The following SNX27 variants were observed in gnomAD, a reference collection of about 807,000 sequenced individuals.
SNX27 encodes the protein sorting nexin 27, also known as sorting nexin-27.
Under a neutral mutation model 71.6 loss-of-function variants are expected in SNX27, and 22 were observed. That is an observed-to-expected ratio of 0.31 (90% CI 0.22 to 0.44). The LOEUF is 0.44. Among genes scored for constraint, SNX27 ranks in the 20% least tolerant of loss-of-function variants. SNX27 has a pLI of 1.00. For synonymous variants in SNX27, 269 were observed against 277.2 expected, an observed-to-expected ratio of 0.97 and a Z score of 0.29; for missense variants, 531 against 698.6, an observed-to-expected ratio of 0.76 and a Z score of 2.70.
intron 1 of SNX27, among the ~76,000 whole-genome samples, chr1:151,635,629 T>G (rs1377519319): frequency 1.3e-5 from 2 of 152,296 alleles, no homozygotes; most frequent in Non-Finnish European, 2.9e-5. Context: ...AAATCAGACA[T>G]CCTGGGGTTT....
rs1008912070 is a variant in SNX27 at position 151,612,720 on chromosome 1, C to T, written c.311+208C>T. The stretch of plus-strand genomic sequence containing the variant: ...CGGGGCTTCTGCGACGCCGGTCTCC[C>T]ACCCCGTCGTCTCCAGCTGATGCCC... On this transcript the variant is annotated intron_variant, in intron 1 of 11. Transcript: ENST00000458013. This position sits in a 1 kb window ranked among gnomAD's most constrained non-coding sequence, Gnocchi z 5.2. Among the ~76,000 whole-genome samples the T allele has an allele frequency of 1.3e-5, 2 of 152,134 alleles. No individual in the cohort carries two copies. Among genetic ancestry groups the T allele is most frequent in the African/African-American group, 4.8e-5 (2 of 41,432 alleles).
At chr1:151,676,164 C>A (rs978013997) in intron 7 of SNX27, 2 of 149,974 alleles carry the variant, frequency 1.3e-5, no homozygotes, top group Non-Finnish European at 3.0e-5. Context: ...TGTTTTTGTA[C>A]CTTGCTGTAC....
intron 11 of SNX27, chr1:151,693,913 T>C: frequency 2.9e-6 from 4 of 1,371,762 alleles, no homozygotes; most frequent in Non-Finnish European, 3.8e-6. Context: ...TTGCTGTTGC[T>C]TTACTGCTGT....
intron 1 of SNX27, 22 bp from the exon 2 acceptor site, chr1:151,638,866 C>CT (rs1355011839): frequency 6.2e-7 from 1 of 1,612,822 alleles, no homozygotes; most frequent in Non-Finnish European, 8.5e-7. Context: ...ATGGGATTGT[C>CT]TTTTTCCCTT....
intron 1 of SNX27, among the ~76,000 whole-genome samples, chr1:151,630,182 T>G (rs1668157028): frequency 6.6e-6 from 1 of 152,070 alleles, no homozygotes; most frequent in Admixed American, 6.5e-5. Flanking sequence ...CTTGAGAGTG[T>G]TCTGCATACC....
intron 7 of SNX27, chr1:151,678,055 G>C (rs546052294): frequency 1.3e-5 from 2 of 152,252 alleles, no homozygotes; most frequent in East Asian, 3.9e-4. Flanking sequence ...GGAGGGGACA[G>C]AATCTCAGTC....
At chr1:151,681,605 A>T (rs1670970824) in intron 7 of SNX27, among the ~76,000 whole-genome samples, 1 of 152,098 alleles carries the variant, frequency 6.6e-6, no homozygotes, top group Non-Finnish European at 1.5e-5. Context: ...ACTCTGGGAA[A>T]TGCTTTCCAC....
intron 1 of SNX27, among the ~76,000 whole-genome samples, chr1:151,618,209 G>A (rs1224439574): frequency 6.6e-6 from 1 of 151,820 alleles, no homozygotes; most frequent in Non-Finnish European, 1.5e-5. Context: ...GTTGAACTTT[G>A]GTTCTACTAT....
intron 5 of SNX27, 71 bp downstream of exon 5, chr1:151,662,341 A>G (rs115729416): frequency 2.1e-6 from 2 of 975,588 alleles, no homozygotes; most frequent in African/African-American, 1.6e-5. Flanking sequence ...AAATAAGTCA[A>G]TACATATAAA....
At chr1:151,617,334 A>C (rs1490746782) in intron 1 of SNX27, among the ~76,000 whole-genome samples, 2 of 152,114 alleles carry the variant, frequency 1.3e-5, no homozygotes. Context: ...GCTGGAGTGC[A>C]GTGGTGCGAT....
chr1:151,685,803 A>G (rs1456087471), intron 8 of SNX27, among the ~76,000 whole-genome samples: 3 of 152,212 alleles, frequency 2.0e-5, no homozygotes. Context: ...AAATCTCTAT[A>G]CCTTAGAAAA....
intron 1 of SNX27, among the ~76,000 whole-genome samples, chr1:151,629,045 A>C (rs1668075303): frequency 6.6e-6 from 1 of 152,028 alleles, no homozygotes; most frequent in African/African-American, 2.4e-5. Flanking sequence ...TGTAGCTGAG[A>C]TCTCATTGCC....
intron 2 of SNX27, among the ~76,000 whole-genome samples, chr1:151,642,477 A>C (rs1668823016): frequency 6.6e-6 from 1 of 151,996 alleles, no homozygotes; most frequent in South Asian, 2.1e-4. Context: ...CAGAAATTTT[A>C]AATTTTGATA....
intron 7 of SNX27, among the ~76,000 whole-genome samples, chr1:151,670,200 C>T (rs1043805463): frequency 1.3e-5 from 2 of 152,182 alleles, no homozygotes; most frequent in African/African-American, 2.4e-5. Flanking sequence ...CCACTTCCAT[C>T]CATGTTGTTG....
At chr1:151,654,224 C>A (rs947378179) in intron 2 of SNX27, among the ~76,000 whole-genome samples, 2 of 152,278 alleles carry the variant, frequency 1.3e-5, no homozygotes, top group Middle Eastern at 3.4e-3. Context: ...TACATTCTTA[C>A]CCCTCTGCTA....
intron 1 of SNX27, among the ~76,000 whole-genome samples, chr1:151,633,041 T>C (rs1668312959): frequency 6.6e-6 from 1 of 151,856 alleles, no homozygotes; most frequent in South Asian, 2.1e-4. Flanking sequence ...CTGGCTAATT[T>C]TTTTGTATTT....
chr1:151,655,162 T>G (rs1669627525), intron 2 of SNX27, among the ~76,000 whole-genome samples: 1 of 152,210 alleles, frequency 6.6e-6, no homozygotes, highest in Admixed American at 6.5e-5. Flanking sequence ...ACTTTGGTCC[T>G]TTTTAGCTTT....
At chr1:151,641,623 ATATATATC>A (rs1372437546) in intron 2 of SNX27, among the ~76,000 whole-genome samples, 5 of 115,630 alleles carry the variant, frequency 4.3e-5, no homozygotes, top group Admixed American at 9.9e-5. Flanking sequence ...ATATATATAT[ATATATATC>A]ATATGTATCA....
chr1:151,683,634 C>T (rs1427983668), intron 8 of SNX27, among the ~76,000 whole-genome samples, 189 bp downstream of exon 8: 1 of 136,130 alleles, frequency 7.3e-6, no homozygotes, highest in African/African-American at 2.8e-5. Flanking sequence ...TCTTGAATTA[C>T]TGTGTATTAG....
Sources: allele counts gnomAD v4.1 joint callset (sites outside exome capture counted in the v4.1 genomes callset), GRCh38; gene constraint gnomAD v4.1.1; non-coding constraint Gnocchi (gnomAD v3.1); transcripts MANE v1.5; gene names NCBI Gene and HGNC (gene_info 2026-07-23, HGNC 2026-07-21).